CDH2: variants seen among roughly 807,000 people sequenced by gnomAD.
CDH2 encodes cadherin 2.
A neutral mutation model predicts 92.0 loss-of-function variants in CDH2; 17 were observed. The ratio of observed to expected loss-of-function variants is 0.18; its 90% CI spans 0.13 to 0.28. CDH2 has a LOEUF of 0.28. Among genes scored for constraint, CDH2 ranks in the 10% least tolerant of loss-of-function variants. The pLI is 1.00. For synonymous variants in CDH2, 419 were observed against 415.9 expected (o/e 1.01, Z -0.09); for missense variants, 862 against 1,133.1 (o/e 0.76, Z 3.44).
intron 2 of CDH2, among the ~76,000 whole-genome samples, chr18:28,143,447 T>C (rs2015985844): frequency 6.6e-6 from 1 of 151,968 alleles, no homozygotes; most frequent in African/African-American, 2.4e-5. Context: ...CTACATATTA[T>C]CTTCAAAAGC....
At chr18:28,043,073 T>C (rs537341052) in intron 2 of CDH2, among the ~76,000 whole-genome samples, 1 of 152,244 alleles carries the variant, frequency 6.6e-6, no homozygotes, top group Admixed American at 6.5e-5. Context: ...AATCAACTAT[T>C]TGTTGGCTGT....
chr18:28,038,502 A>T (rs2013884785), intron 2 of CDH2, among the ~76,000 whole-genome samples: 2 of 151,650 alleles, frequency 1.3e-5, no homozygotes, highest in African/African-American at 4.8e-5. Flanking sequence ...TGAGTGCTAT[A>T]AAGGACTCAT....
At chr18:28,090,792 A>G (rs2144210864) in intron 2 of CDH2, among the ~76,000 whole-genome samples, 1 of 152,326 alleles carries the variant, frequency 6.6e-6, no homozygotes, top group Non-Finnish European at 1.5e-5. Context: ...ATAGCCTACA[A>G]ATACCCAGAA....
intron 14 of CDH2, among the ~76,000 whole-genome samples, chr18:27,964,302 C>G (rs2011484857): frequency 6.6e-6 from 1 of 152,168 alleles, no homozygotes; most frequent in Non-Finnish European, 1.5e-5. Flanking sequence ...AAGAAGGATG[C>G]TCTGGCCATA....
intron 2 of CDH2, among the ~76,000 whole-genome samples, chr18:28,047,761 C>T (rs865824104): frequency 1.4e-5 from 2 of 146,362 alleles, no homozygotes; most frequent in Admixed American, 7.0e-5. Context: ...CCCAGCTACT[C>T]GGGAGGCTGA....
intron 2 of CDH2, among the ~76,000 whole-genome samples, chr18:28,026,251 T>C (rs190566296): frequency 6.6e-6 from 1 of 152,262 alleles, no homozygotes; most frequent in Admixed American, 6.5e-5. Flanking sequence ...AAGGCACTGA[T>C]TTGCCCATCA....
At chr18:28,077,890 C>CAAAAAAAAAA (rs71171659) in intron 2 of CDH2, among the ~76,000 whole-genome samples, 4 of 67,356 alleles carry the variant, frequency 5.9e-5, no homozygotes, top group Non-Finnish European at 8.0e-5. Context: ...GACCCTGTCT[C>CAAAAAAAAAA]AAAAAAAAAA....
At chr18:28,061,798 A>G (rs1395461982) in intron 2 of CDH2, among the ~76,000 whole-genome samples, 3 of 152,182 alleles carry the variant, frequency 2.0e-5, no homozygotes, top group African/African-American at 7.2e-5. Flanking sequence ...GCGGCAGGCA[A>G]GATAGCATGT....
chr18:28,174,854 G>T (rs1261286766), intron 1 of CDH2, among the ~76,000 whole-genome samples: 1 of 152,128 alleles, frequency 6.6e-6, no homozygotes, highest in Admixed American at 6.5e-5. Flanking sequence ...ACCATCTGCT[G>T]CTGGATTCAC....
intron 2 of CDH2, among the ~76,000 whole-genome samples, chr18:28,040,469 G>A (rs1319852891): frequency 6.6e-6 from 1 of 152,058 alleles, no homozygotes; most frequent in Non-Finnish European, 1.5e-5. Flanking sequence ...AATTTTCTTA[G>A]GTCAGCATCC....
intron 2 of CDH2, among the ~76,000 whole-genome samples, chr18:28,143,806 C>G (rs145646110): frequency 6.6e-6 from 1 of 152,098 alleles, no homozygotes; most frequent in Non-Finnish European, 1.5e-5. Context: ...CCATGAAATA[C>G]TATGCAGCCA....
intron 1 of CDH2, among the ~76,000 whole-genome samples, chr18:28,155,648 C>T (rs561475511): frequency 3.3e-5 from 5 of 152,220 alleles, no homozygotes; most frequent in Admixed American, 6.5e-5. Flanking sequence ...GTCTTCCAAA[C>T]GACATAAGCG....
intron 2 of CDH2, among the ~76,000 whole-genome samples, chr18:28,039,512 A>T (rs562821761): frequency 7.2e-5 from 11 of 152,282 alleles, no homozygotes; most frequent in African/African-American, 2.6e-4. Flanking sequence ...GCTCAGGGAG[A>T]TTAAGCAACT....
At chr18:28,168,753 G>A (rs763626326) in intron 1 of CDH2, 7 of 154,822 alleles carry the variant, frequency 4.5e-5, no homozygotes, top group Non-Finnish European at 8.5e-5. Context: ...GATGCCAAAA[G>A]AAAGCAAAAT....
intron 1 of CDH2, among the ~76,000 whole-genome samples, chr18:28,154,361 T>C (rs867677879): frequency 1.3e-5 from 2 of 152,340 alleles, no homozygotes; most frequent in African/African-American, 2.4e-5. Flanking sequence ...AAATTCACGC[T>C]GGTCAGAGGA....
intron 2 of CDH2, among the ~76,000 whole-genome samples, chr18:28,093,569 T>TA (rs59662910): frequency 0.039 from 5,855 of 149,044 alleles, 221 homozygotes; most frequent in African/African-American, 0.098. Context: ...TAAGCAAAGT[T>TA]AAAAAAAAAA....
chr18:28,130,108 T>C (rs2144290940), intron 2 of CDH2, among the ~76,000 whole-genome samples: 1 of 152,298 alleles, frequency 6.6e-6, no homozygotes, highest in Non-Finnish European at 1.5e-5. Flanking sequence ...AGAAACTAAT[T>C]CACGTAAAAC....
chr18:27,933,274 T>C (rs1211290818), intron 6 of CDH2, among the ~76,000 whole-genome samples: 2 of 152,186 alleles, frequency 1.3e-5, no homozygotes, highest in African/African-American at 2.4e-5. Context: ...ATCAACTTCA[T>C]ATATAAAGGG....
chr18:27,979,069 A>C (rs17445763), intron 14 of CDH2, among the ~76,000 whole-genome samples: 10 of 152,318 alleles, frequency 6.6e-5, no homozygotes, highest in Non-Finnish European at 1.2e-4. Context: ...CATTAAGAGA[A>C]TAAAAAAGCT....
Sources: allele counts gnomAD v4.1 joint callset (sites outside exome capture counted in the v4.1 genomes callset), GRCh38; gene constraint gnomAD v4.1.1; transcripts MANE v1.5; gene names NCBI Gene and HGNC (gene_info 2026-07-23, HGNC 2026-07-21).